The following CNGB3 variants were observed in gnomAD, a reference collection of about 807,000 sequenced individuals.
CNGB3 encodes the protein cyclic nucleotide gated channel subunit beta 3, also known as cyclic nucleotide-gated channel beta-3.
A neutral mutation model predicts 92.8 loss-of-function variants in CNGB3; 86 were observed. That is an observed-to-expected ratio of 0.93 (90% CI 0.78 to 1.11). The LOEUF is 1.11. Among genes scored for constraint, CNGB3 ranks in the 50% least tolerant of loss-of-function variants. The pLI, the probability that CNGB3 is intolerant of heterozygous loss-of-function variation, is 0.00. For missense variants in CNGB3, 1,026 were observed against 956.8 expected (o/e 1.07, Z -0.95); for synonymous variants, 333 against 332.7 (o/e 1.00, Z -0.01).
At chr8:86,656,383 T>C (rs114722785) in intron 6 of CNGB3, among the ~76,000 whole-genome samples, 1 of 152,234 alleles carries the variant, frequency 6.6e-6, no homozygotes, top group East Asian at 1.9e-4. Context: ...TGAATAAATG[T>C]AAATGCAACT....
intron 3 of CNGB3, among the ~76,000 whole-genome samples, chr8:86,719,398 C>T (rs1051682913): frequency 6.6e-6 from 1 of 152,112 alleles, no homozygotes; most frequent in Non-Finnish European, 1.5e-5. Flanking sequence ...AGAATCAAAT[C>T]AAGAACTCGA....
At chr8:86,597,281 G>T (rs915458031) in intron 15 of CNGB3, among the ~76,000 whole-genome samples, 2 of 152,194 alleles carry the variant, frequency 1.3e-5, no homozygotes, top group African/African-American at 4.8e-5. Context: ...ACAACAGCCA[G>T]GGCTCATGGC....
intron 9 of CNGB3, 92 bp downstream of exon 9, chr8:86,644,530 G>T: frequency 6.7e-7 from 1 of 1,498,352 alleles, no homozygotes; most frequent in Admixed American, 2.0e-5. Context: ...TCCTTTTTTT[G>T]AAGAGGGGGG....
At chr8:86,614,783 G>A (rs1822585075) in intron 13 of CNGB3, among the ~76,000 whole-genome samples, 2 of 152,054 alleles carry the variant, frequency 1.3e-5, no homozygotes, top group South Asian at 4.2e-4. Context: ...GTTGCCAACC[G>A]GGATCAAGAA....
intron 15 of CNGB3, among the ~76,000 whole-genome samples, chr8:86,598,250 T>C (rs1822216752): frequency 1.3e-5 from 2 of 152,198 alleles, no homozygotes; most frequent in African/African-American, 4.8e-5. Context: ...GATATGGTTA[T>C]TGGATTTGAG....
In CNGB3 at chr8:86,643,891, T is replaced by C; in HGVS notation, c.1056-18A>G. ...GAATAACTCTGTCAGAGAGAATAGA[T>C]GCAAAGTAAGATTCATGTTGTTTCT... is the stretch of plus-strand genomic sequence containing the variant. On this transcript the variant is annotated intron_variant, in intron 9 of 17. Coordinates refer to ENST00000320005, the MANE Select transcript of CNGB3 (RefSeq NM_019098.5). 1.9e-6 allele frequency: 3 copies of C among 1,601,316 alleles called. No individual in the cohort carries two copies. The highest frequency in any genetic ancestry group is 2.6e-6 in the Non-Finnish European group (3 of 1,171,534).
rs1196951376 is a variant in CNGB3, at chr8:86,575,934, G to T, written c.2300C>A (p.Pro767His). The part of the protein sequence containing the change: ...TASPIAVEEE[P>H]HSVRRTVLPR... ...TAAAACTGTCCTTCTAACTGAGTGG[G>T]GTTCTTCCTCCACTGCAATAGGACT... Residue 767 changes from proline (P) to histidine (H), a missense_variant, in exon 18 of 18, where the codon CCC (proline) becomes CAC (histidine). Coordinates refer to ENST00000320005, the MANE Select transcript of CNGB3 (RefSeq NM_019098.5). The T allele has an allele frequency of 6.2e-7, 1 of 1,613,726 alleles. No individual in the cohort carries two copies. Among genetic ancestry groups the T allele is most frequent in the East Asian group, 2.2e-5 (1 of 44,884 alleles).
At chr8:86,712,931 T>A (rs1367609358) in intron 3 of CNGB3, among the ~76,000 whole-genome samples, 2 of 151,800 alleles carry the variant, frequency 1.3e-5, no homozygotes, top group African/African-American at 4.8e-5. Context: ...TCAAATGAAC[T>A]TTATAACCAA....
intron 3 of CNGB3, among the ~76,000 whole-genome samples, chr8:86,708,558 T>A (rs995552646): frequency 7.3e-6 from 1 of 137,362 alleles, no homozygotes; most frequent in East Asian, 2.3e-4. Context: ...TCTTTTCTTT[T>A]CTTAATTTTT....
chr8:86,701,087 T>C lies in CNGB3; in HGVS notation c.338+25444A>G, dbSNP rs1380370776. ...CCTCCGCAGCCTAGAACAAATGCTTTAATTTTTTATACTTTGGGAAGGTAT... is the reference window on the plus strand; with the variant it reads ...CCTCCGCAGCCTAGAACAAATGCTTCAATTTTTTATACTTTGGGAAGGTAT... On this transcript the variant is annotated intron_variant, in intron 3 of 17. Coordinates refer to ENST00000320005, the MANE Select transcript of CNGB3 (RefSeq NM_019098.5). Among the ~76,000 whole-genome samples, 3 of 152,242 alleles carry C rather than the reference T, an allele frequency of 2.0e-5. No homozygotes were observed. In the East Asian group the frequency reaches 5.8e-4, roughly 29 times the overall value.
intron 13 of CNGB3, among the ~76,000 whole-genome samples, chr8:86,622,314 T>C (rs1167209419): frequency 6.6e-6 from 1 of 152,100 alleles, no homozygotes; most frequent in Non-Finnish European, 1.5e-5. Flanking sequence ...CTTGAATTTA[T>C]TTATTTTTCT....
At chr8:86,633,366 G>A (rs543117724) in intron 10 of CNGB3, among the ~76,000 whole-genome samples, 44 of 152,298 alleles carry the variant, frequency 2.9e-4, no homozygotes, top group South Asian at 2.5e-3. Context: ...AATGCCCAAG[G>A]TAGCTGCTTA....
At chr8:86,652,096 A>T (rs1823414627) in intron 7 of CNGB3, among the ~76,000 whole-genome samples, 1 of 151,988 alleles carries the variant, frequency 6.6e-6, no homozygotes, top group African/African-American at 2.4e-5. Context: ...ATATTATTGT[A>T]TGTTACTGTA....
At chr8:86,590,620 A>G (rs201089103) in intron 15 of CNGB3, among the ~76,000 whole-genome samples, 1 of 150,050 alleles carries the variant, frequency 6.7e-6, no homozygotes, top group East Asian at 2.0e-4. Context: ...GCTGGATATG[A>G]AATTCTTGGT....
At chr8:86,739,474 C>T (rs1825303044) in intron 2 of CNGB3, among the ~76,000 whole-genome samples, 181 bp downstream of exon 2, 1 of 152,168 alleles carries the variant, frequency 6.6e-6, no homozygotes, top group Non-Finnish European at 1.5e-5. Flanking sequence ...ATTGCATGGA[C>T]AAATGAGTTA....
chr8:86,647,668 T>C (rs928214926), intron 8 of CNGB3, 133 bp downstream of exon 8: 18 of 623,404 alleles, frequency 2.9e-5, no homozygotes, highest in Non-Finnish European at 3.8e-5. Flanking sequence ...GGCAGAAAGA[T>C]GGAGAAGAGT....
intron 3 of CNGB3, among the ~76,000 whole-genome samples, chr8:86,699,728 A>G (rs1223477633): frequency 6.6e-6 from 1 of 152,226 alleles, no homozygotes; most frequent in Non-Finnish European, 1.5e-5. Context: ...TTTCAATCTG[A>G]TTGTATTAGA....
intron 11 of CNGB3, 40 bp from the exon 12 acceptor site, chr8:86,629,118 A>G: frequency 6.2e-7 from 1 of 1,610,392 alleles, no homozygotes. Context: ...CCAGCAGAGG[A>G]AATGAGTTAA....
chr8:86,635,863 TACACATAC>T (rs1310453653), intron 10 of CNGB3, among the ~76,000 whole-genome samples: 21 of 54,908 alleles, frequency 3.8e-4, no homozygotes, highest in South Asian at 2.5e-3. Context: ...TATATATATA[TACACATAC>T]ACATATACTT....
Sources: allele counts gnomAD v4.1 joint callset (sites outside exome capture counted in the v4.1 genomes callset), GRCh38; gene constraint gnomAD v4.1.1; transcripts MANE v1.5; gene names NCBI Gene and HGNC (gene_info 2026-07-23, HGNC 2026-07-21).